The following ABCG8 variants were observed in gnomAD, a reference collection of about 807,000 sequenced individuals.
ABCG8 encodes the protein ATP-binding cassette sub-family G member 8.
Under a neutral mutation model 71.3 loss-of-function variants are expected in ABCG8, and 81 were observed. The observed-to-expected ratio is 1.14, with a 90% confidence interval of 0.95 to 1.37. The LOEUF is 1.37. ABCG8 is among the 40% of genes most tolerant of loss of function. The pLI is 0.00. For missense variants in ABCG8, 1,119 were observed against 866.2 expected, an observed-to-expected ratio of 1.29 and a Z score of -3.66; for synonymous variants, 451 against 354.7, an observed-to-expected ratio of 1.27 and a Z score of -3.05.
rs891764304 is a variant in ABCG8, at chr2:43,881,869, C to A, written c.*3956C>A. 1 of 152,170 alleles carries A rather than the reference C, an allele frequency of 6.6e-6. No homozygotes were observed. Among genetic ancestry groups the A allele is most frequent in the African/African-American group, 2.4e-5 (1 of 41,432 alleles). The allele number at this position is 152,170 out of a possible 1,614,324, so 9.4% of individuals were successfully genotyped here. On this transcript the variant is annotated 3_prime_UTR_variant, in exon 13 of 13. Transcript: ENST00000272286. ...GTCAGATAGTAAATATTTGGGACTT[C>A]GTGGGCCTTATAGGCTCTGCTGCAA...
chr2:43,846,282 G>T lies in ABCG8; in HGVS notation c.293G>T (p.Gly98Val). The T allele has an allele frequency of 3.1e-6, 5 of 1,614,186 alleles. No individual in the cohort carries two copies. Among genetic ancestry groups the T allele is most frequent in the Non-Finnish European group, 4.2e-6 (5 of 1,180,024 alleles). ...AACCTAAGCTTCAAAGTGAGAAGTG[G>T]GCAGATGCTGGCCATCATAGGGAGC... ...IQNLSFKVRS[G>V]QMLAIIGSSG... is the part of the protein sequence containing the mutation. Residue 98 changes from glycine (G) to valine (V), a missense_variant, in exon 3 of 13, where the codon GGG becomes GTG. Transcript: ENST00000272286.
chr2:43,843,629 G>A (rs942611824), intron 1 of ABCG8, among the ~76,000 whole-genome samples: 1 of 152,142 alleles, frequency 6.6e-6, no homozygotes, highest in African/African-American at 2.4e-5. Flanking sequence ...ACTCCATCCT[G>A]GGTGATAGAG....
chr2:43,865,679 G>GTCTA (rs879654542), intron 6 of ABCG8, among the ~76,000 whole-genome samples: 1,532 of 149,086 alleles, frequency 0.01, 5 homozygotes, highest in Middle Eastern at 0.043. Context: ...AATTCTCACT[G>GTCTA]TCTGGATAGA....
At chr2:43,841,182 C>A (rs747534103) in intron 1 of ABCG8, among the ~76,000 whole-genome samples, 2 of 152,188 alleles carry the variant, frequency 1.3e-5, no homozygotes, top group Non-Finnish European at 2.9e-5. Context: ...CACATCACTC[C>A]CCCCGGGGCA....
rs976736645 is a variant in ABCG8, at chr2:43,846,422, C to T, written c.322+111C>T. The T allele has an allele frequency of 2.8e-5, 41 of 1,467,332 alleles. No homozygotes were observed. The African/African-American group carries it at 4.9e-4, about 17-fold the overall frequency. The allele number at this position is 1,467,332 out of a possible 1,614,324, so 90.9% of individuals were successfully genotyped here. The stretch of plus-strand genomic sequence containing the variant: ...CTCTTTGCTGACTAGTAGAATAATA[C>T]AGCAGAATGGCTGAGAACACAGGTT... On this transcript the variant is annotated intron_variant, in intron 3 of 12. Coordinates refer to ENST00000272286, the MANE Select transcript of ABCG8 (RefSeq NM_022437.3).
intron 1 of ABCG8, among the ~76,000 whole-genome samples, chr2:43,840,904 G>A (rs1408338865): frequency 6.6e-6 from 1 of 152,144 alleles, no homozygotes; most frequent in Non-Finnish European, 1.5e-5. Context: ...CAGGAGGTTG[G>A]GCCTGGGAAG....
chr2:43,869,048 T>C (rs1296371732), intron 6 of ABCG8, among the ~76,000 whole-genome samples: 2 of 152,048 alleles, frequency 1.3e-5, no homozygotes, highest in African/African-American at 4.8e-5. Context: ...ATTTTCACCA[T>C]CCGGATACAA....
intron 8 of ABCG8, among the ~76,000 whole-genome samples, chr2:43,872,605 G>T (rs943962633): frequency 6.6e-6 from 1 of 151,850 alleles, no homozygotes; most frequent in Non-Finnish European, 1.5e-5. Context: ...GGCCTACCTG[G>T]TAGGCTGAGG....
At chr2:43,844,745 C>A in intron 2 of ABCG8, 137 bp downstream of exon 2, 2 of 689,636 alleles carry the variant, frequency 2.9e-6, no homozygotes, top group Non-Finnish European at 5.3e-6. Context: ...ATTGATGCCT[C>A]ACGTGTCAGG....
chr2:43,872,434 C>T, intron 8 of ABCG8, 128 bp downstream of exon 8: 1 of 1,131,878 alleles, frequency 8.8e-7, no homozygotes, highest in Non-Finnish European at 1.3e-6. Flanking sequence ...AAAAAAACAG[C>T]ATCCAGCAGG....
chr2:43,847,791 C>G (rs190289484), intron 3 of ABCG8: 2 of 152,094 alleles, frequency 1.3e-5, no homozygotes, highest in East Asian at 3.9e-4. Flanking sequence ...GAGGCAGTCT[C>G]TCTCTGTTGC....
At chr2:43,852,003 C>T (rs921807903) in intron 4 of ABCG8, among the ~76,000 whole-genome samples, 181 bp downstream of exon 4, 2 of 152,190 alleles carry the variant, frequency 1.3e-5, no homozygotes, top group South Asian at 4.1e-4. Context: ...CCCCACAGCC[C>T]GCCAGAAGCT....
rs750412646 is a variant in ABCG8 at position 43,852,821 on chromosome 2, C to G, written c.917C>G (p.Ala306Gly). 1.2e-6 allele frequency: 2 copies of G among 1,614,172 alleles called. No homozygotes were observed. Among genetic ancestry groups the G allele is most frequent in the Admixed American group, 3.3e-5 (2 of 60,030 alleles). ...AAQHMVQYFT[A>G]IGYPCPRYSN... is the part of the protein sequence containing the mutation. ...CAGCACATGGTCCAGTATTTCACAG[C>G]CATCGGCTACCCCTGTCCTCGCTAC... The change falls in exon 6 of 13, where the codon GCC becomes GGC. Residue 306 changes from alanine to glycine, a missense_variant. By Grantham distance (60) the Ala-to-Gly change is moderately conservative. Transcript: ENST00000272286.
Position 43,873,878 on chromosome 2 carries a change from TA to T in ABCG8, c.1304del (p.Tyr435PhefsTer20), listed in dbSNP as rs1388796262. On this transcript the variant is annotated frameshift_variant, in exon 9 of 13. Transcript: ENST00000272286. LOFTEE classifies it high-confidence loss of function. ...GATGTCAATGACCATCGGCTTCCTC[TA>T]TTTTGGCCATGGGAGCATCCAGCTC... Reference protein sequence around the residue: ...CLMSMTIGFLYFGHGSIQLSF... With the variant: ...CLMSMTIGFLXFGHGSIQLSF... 1 of 1,614,044 alleles carries T rather than the reference TA, an allele frequency of 6.2e-7. No individual in the cohort carries two copies. Among genetic ancestry groups the T allele is most frequent in the Non-Finnish European group, 8.5e-7 (1 of 1,180,044 alleles).
intron 8 of ABCG8, among the ~76,000 whole-genome samples, chr2:43,873,285 T>C (rs1669844038): frequency 6.6e-6 from 1 of 151,638 alleles, no homozygotes; most frequent in Non-Finnish European, 1.5e-5. Context: ...GCCTCCCAGG[T>C]TCAAGTGATT....
chr2:43,840,609 A>G (rs558960283), intron 1 of ABCG8, among the ~76,000 whole-genome samples: 1 of 152,354 alleles, frequency 6.6e-6, no homozygotes, highest in South Asian at 2.1e-4. Flanking sequence ...CAGTCAAGCT[A>G]TAAGAACAGT....
Position 43,878,032 on chromosome 2 carries a change from C to T in ABCG8, c.*119C>T. The stretch of plus-strand genomic sequence containing the variant: ...CAATGACCCTACAGATGCTCAGCTA[C>T]ATCCGGCCCAGGGTGCTGCAGTGGC... On this transcript the variant is annotated 3_prime_UTR_variant, in exon 13 of 13. Transcript: ENST00000272286. 2.0e-6 allele frequency: 3 copies of T among 1,471,028 alleles called. No individual in the cohort carries two copies. Among genetic ancestry groups the T allele is most frequent in the Non-Finnish European group, 2.8e-6 (3 of 1,072,044 alleles). 91.1% of individuals were successfully genotyped at this position (1,471,028 alleles called of 1,614,324 possible).
chr2:43,875,740 C>T (rs1669940137), intron 11 of ABCG8, among the ~76,000 whole-genome samples: 1 of 152,240 alleles, frequency 6.6e-6, no homozygotes, highest in African/African-American at 2.4e-5. Context: ...TCCCTGGCCA[C>T]CATTGTTTGA....
chr2:43,856,857 T>C (rs1430654108), intron 6 of ABCG8, among the ~76,000 whole-genome samples: 1 of 151,610 alleles, frequency 6.6e-6, no homozygotes, highest in East Asian at 1.9e-4. Context: ...GAATTCTCAC[T>C]CTCTGGATAA....
Sources: gnomAD v4.1 joint callset for allele counts (sites outside exome capture counted in the v4.1 genomes callset) on GRCh38, gnomAD v4.1.1 for gene constraint, MANE v1.5 for transcripts, NCBI Gene and HGNC (gene_info 2026-07-23, HGNC 2026-07-21) for gene names.